NAALADL1: variants seen among roughly 807,000 people sequenced by gnomAD.
NAALADL1 encodes N-acetylated alpha-linked acidic dipeptidase like 1, also known as aminopeptidase NAALADL1.
In NAALADL1, 77 loss-of-function variants were observed where a neutral mutation model predicts 82.8. That is an observed-to-expected ratio of 0.93 (90% CI 0.77 to 1.12). NAALADL1 has a LOEUF of 1.12. Ranked by LOEUF, NAALADL1 falls within the 50% of genes most tolerant of loss-of-function variation. NAALADL1 has a pLI of 0.00. For synonymous variants in NAALADL1, 358 were observed against 399.2 expected (o/e 0.90, Z 1.23); for missense variants, 956 against 964.0 (o/e 0.99, Z 0.11).
chr11:65,057,281 T>C (rs1367080948), intron 4 of NAALADL1, 90 bp downstream of exon 4: 2 of 1,496,952 alleles, frequency 1.3e-6, no homozygotes, highest in Non-Finnish European at 1.8e-6. Flanking sequence ...CAACACTGCC[T>C]CTTCTCCTTC....
chr11:65,053,125 C>G lies in NAALADL1; in HGVS notation c.1198+93G>C. 2.1e-6 allele frequency: 3 copies of G among 1,432,398 alleles called. No individual in the cohort carries two copies. Among genetic ancestry groups the G allele is most frequent in the Non-Finnish European group, 2.8e-6 (3 of 1,079,962 alleles). 88.7% of individuals were successfully genotyped at this position (1,432,398 alleles called of 1,614,324 possible). A position where few individuals can be genotyped will look rare whatever the true frequency, so the allele number is the denominator to read the frequency against. The stretch of plus-strand genomic sequence containing the variant: ...GCCCCCAGGGCCCTCAGGCATGGCA[C>G]AAGGAGCACTGCAGTGTGAGGGAGA... On this transcript the variant is annotated intron_variant, in intron 8 of 17. Transcript: ENST00000358658. The surrounding 1 kb of genome is among the most constrained non-coding windows in gnomAD (Gnocchi z 4.3).
Position 65,057,917 on chromosome 11 carries a change from C to G in NAALADL1, c.438G>C (p.Val146=). The G allele has an allele frequency of 1.9e-6, 3 of 1,614,086 alleles. No individual in the cohort carries two copies. The change falls in exon 3 of 18, where the codon GTG becomes GTC. Residue 146 remains valine (V), a synonymous_variant. Coordinates refer to ENST00000358658, the MANE Select transcript of NAALADL1 (RefSeq NM_005468.3). ...GAGCATAGGCAGCATAGGGTTGTACCACATCTGGCCCCCCTTGCTCCCCGG... is the reference window on the plus strand; with the variant it reads ...GAGCATAGGCAGCATAGGGTTGTACGACATCTGGCCCCCCTTGCTCCCCGG... ...NVTGEQGGPD[V]VQPYAAYAPS...
At chr11:65,056,174 C>T (rs527322429) in intron 4 of NAALADL1, among the ~76,000 whole-genome samples, 15 of 152,104 alleles carry the variant, frequency 9.9e-5, no homozygotes, top group African/African-American at 3.6e-4. Context: ...CATGAGCCAC[C>T]GCGTCCAGCC....
chr11:65,045,628 ATGTGGGTTCC>A, intron 17 of NAALADL1, 171 bp from the exon 18 acceptor site: 1 of 894,992 alleles, frequency 1.1e-6, no homozygotes, highest in Non-Finnish European at 1.7e-6. Context: ...GGGGGAGGAA[ATGTGGGTTCC>A]AGTCCTAGCT....
Position 65,053,122 on chromosome 11 carries a change from G to A in NAALADL1, c.1198+96C>T. On this transcript the variant is annotated intron_variant, in intron 8 of 17. Coordinates refer to ENST00000358658, the MANE Select transcript of NAALADL1 (RefSeq NM_005468.3). This position sits in a 1 kb window ranked among gnomAD's most constrained non-coding sequence, Gnocchi z 4.3. ...TCTGCCCCCAGGGCCCTCAGGCATG[G>A]CACAAGGAGCACTGCAGTGTGAGGG... The A allele has an allele frequency of 7.1e-7, 1 of 1,417,940 alleles. No individual in the cohort carries two copies. The highest frequency in any genetic ancestry group is 9.4e-7 in the Non-Finnish European group (1 of 1,067,640). The allele number at this position is 1,417,940 out of a possible 1,614,324, so 87.8% of individuals were successfully genotyped here. A position where few individuals can be genotyped will look rare whatever the true frequency, so the allele number is the denominator to read the frequency against.
In NAALADL1 at chr11:65,048,048, G is replaced by A; in HGVS notation, c.1349C>T (p.Ala450Val). 1 of 1,614,066 alleles carries A rather than the reference G, an allele frequency of 6.2e-7. No homozygotes were observed. The highest frequency in any genetic ancestry group is 8.5e-7 in the Non-Finnish European group (1 of 1,179,988). Residue 450 changes from alanine (A) to valine (V), a missense_variant and splice_region_variant, in exon 11 of 18, where the codon GCC (alanine) becomes GTC (valine). Ala to Val is a moderately conservative substitution (Grantham distance 64). Coordinates refer to ENST00000358658, the MANE Select transcript of NAALADL1 (RefSeq NM_005468.3). Reference protein sequence around the residue: ...AYINVDISVFANATLRVQGTP... With the variant: ...AYINVDISVFVNATLRVQGTP... ...CCCCTGCACCCTAAGGGTAGCGTTGGCTGTGGGAGGAGGGGAGAAAGACTA... is the reference window on the plus strand; with the variant it reads ...CCCCTGCACCCTAAGGGTAGCGTTGACTGTGGGAGGAGGGGAGAAAGACTA...
chr11:65,054,877 A>G lies in NAALADL1; in HGVS notation c.604-139T>C. The G allele has an allele frequency of 2.6e-6, 3 of 1,142,956 alleles. No homozygotes were observed. The highest frequency in any genetic ancestry group is 3.6e-6 in the Non-Finnish European group (3 of 826,738). 70.8% of individuals were successfully genotyped at this position (1,142,956 alleles called of 1,614,324 possible). ...AAGATGACGTTTGCACAAGTCATTT[A>G]TGGCAGTGCCTCTTGCAACAGTAAA... On this transcript the variant is annotated intron_variant, in intron 4 of 17. Coordinates refer to ENST00000358658, the MANE Select transcript of NAALADL1 (RefSeq NM_005468.3). The surrounding 1 kb of genome is among the most constrained non-coding windows in gnomAD (Gnocchi z 4.3).
intron 3 of NAALADL1, 43 bp downstream of exon 3, chr11:65,057,832 C>A: frequency 6.2e-7 from 1 of 1,609,146 alleles, no homozygotes; most frequent in Non-Finnish European, 8.5e-7. Flanking sequence ...TGGGTGGAAC[C>A]AAGGGAGCTG....
rs372557264 is a variant in NAALADL1, at chr11:65,045,304, C to T, written c.2190G>A (p.Ala730=). The stretch of plus-strand genomic sequence containing the variant: ...CAGCCACAGGCCTCAGGGTGGCTGC[C>T]GCACCCTCCAGGGCTGTCACCACAA... ...LSIVVTALEG[A]AATLRPVADL is the part of the protein sequence containing the mutation. The change falls in exon 18 of 18, where the codon GCG becomes GCA. Residue 730 remains alanine (A), a synonymous_variant. Transcript: ENST00000358658. 3.2e-5 allele frequency: 51 copies of T among 1,608,738 alleles called. No homozygotes were observed. In the South Asian group the frequency reaches 4.3e-4, roughly 14 times the overall value.
upstream of NAALADL1, among the ~76,000 whole-genome samples, chr11:65,059,656 T>C (rs147961299): frequency 4.3e-4 from 66 of 152,312 alleles, no homozygotes; most frequent in African/African-American, 1.6e-3. Context: ...CATCCCTCCA[T>C]TCACTTATTC....
rs1946705408 is a variant in NAALADL1 at position 65,045,755 on chromosome 11, T to G, written c.2036+67A>C. On this transcript the variant is annotated intron_variant, in intron 17 of 17. Transcript: ENST00000358658. ...AAGGGCAGAGAAGCTGACCACCTCGTCTCAGGTGGGGAGCCATTGTCCGGC... is the reference window on the plus strand; with the variant it reads ...AAGGGCAGAGAAGCTGACCACCTCGGCTCAGGTGGGGAGCCATTGTCCGGC... 3.5e-6 allele frequency: 5 copies of G among 1,449,222 alleles called. No homozygotes were observed. The East Asian group carries it at 1.2e-4, about 33-fold the overall frequency. 89.8% of individuals were successfully genotyped at this position (1,449,222 alleles called of 1,614,324 possible).
At chr11:65,057,607 A>G in intron 3 of NAALADL1, 114 bp from the exon 4 acceptor site, 1 of 1,406,222 alleles carries the variant, frequency 7.1e-7, no homozygotes. Flanking sequence ...CCCCCACCTC[A>G]CCCAGAGCTT....
intron 8 of NAALADL1, among the ~76,000 whole-genome samples, chr11:65,052,180 G>A (rs1946906799): frequency 6.6e-6 from 1 of 152,102 alleles, no homozygotes; most frequent in South Asian, 2.1e-4. Context: ...TCTTGCCCCT[G>A]GAGCCAGCAG....
rs1245139908 is a variant in NAALADL1, at chr11:65,046,504, T to C, written c.1622A>G (p.Tyr541Cys). 6.2e-7 allele frequency: 1 copy of C among 1,614,082 alleles called. No homozygotes were observed. The highest frequency in any genetic ancestry group is 1.7e-5 in the Admixed American group (1 of 59,984). Reference sequence around the variant, plus strand: ...GTCAAAGGCTGTGTGGTAGGTGGGGTAGATCCTGGCTGAAGTCTTGCTCTG... The same window carrying C: ...GTCAAAGGCTGTGTGGTAGGTGGGGCAGATCCTGGCTGAAGTCTTGCTCTG... Reference protein sequence around the residue: ...YDRSKTSARIYPTYHTAFDTF... With the variant: ...YDRSKTSARICPTYHTAFDTF... The change falls in exon 14 of 18, where the codon TAC becomes TGC. Residue 541 changes from tyrosine to cysteine, a missense_variant. By Grantham distance (194) the Tyr-to-Cys change is radical (BLOSUM62 -2). Transcript: ENST00000358658.
At chr11:65,060,923 A>C (rs1947179593), upstream of NAALADL1, among the ~76,000 whole-genome samples, 1 of 151,904 alleles carries the variant, frequency 6.6e-6, no homozygotes, top group Admixed American at 6.6e-5. Context: ...CCAGCAATGC[A>C]CTGCTGCTGG....
intron 4 of NAALADL1, among the ~76,000 whole-genome samples, chr11:65,056,175 G>A (rs547057483): frequency 3.3e-5 from 5 of 151,642 alleles, no homozygotes; most frequent in South Asian, 2.1e-4. Context: ...ATGAGCCACC[G>A]CGTCCAGCCC....
At position 65,053,367 on chromosome 11, in the gene NAALADL1, G is replaced by C; in HGVS notation, c.1079-30C>G. On this transcript the variant is annotated intron_variant, in intron 7 of 17. Transcript: ENST00000358658. This position sits in a 1 kb window ranked among gnomAD's most constrained non-coding sequence, Gnocchi z 4.3. ...CCAGAGGAAAAGGGGCAGAGAACCA[G>C]AGGAGAGGGAGAGGTGGGCAGGGGG... 6.2e-7 allele frequency: 1 copy of C among 1,606,230 alleles called. No individual in the cohort carries two copies. The highest frequency in any genetic ancestry group is 1.7e-5 in the Admixed American group (1 of 58,284).
rs150524330 is a variant in NAALADL1 at position 65,046,122 on chromosome 11, G to A, written c.1856-8C>T. On this transcript the variant is annotated splice_region_variant and splice_polypyrimidine_tract_variant and intron_variant, in intron 15 of 17. Coordinates refer to ENST00000358658, the MANE Select transcript of NAALADL1 (RefSeq NM_005468.3). ...CTGCAGTCACCAGAGGCCCTGTGAG[G>A]AACAAGCAGTGGCTCAGTCATGGGG... 7.3e-4 allele frequency: 1,183 copies of A among 1,614,134 alleles called. 7 individuals are homozygous for A. In the African/African-American group the frequency reaches 0.014, roughly 19 times the overall value.
chr11:65,057,859 G>T lies in NAALADL1; in HGVS notation c.480+16C>A. 6.2e-7 allele frequency: 1 copy of T among 1,613,146 alleles called. No homozygotes were observed. Among genetic ancestry groups the T allele is most frequent in the African/African-American group, 1.3e-5 (1 of 75,002 alleles). On this transcript the variant is annotated intron_variant, in intron 3 of 17. Coordinates refer to ENST00000358658, the MANE Select transcript of NAALADL1 (RefSeq NM_005468.3). The stretch of plus-strand genomic sequence containing the variant: ...AGGGAGCTGGGCCAGAGCAGTAGGG[G>T]GGGTTCTGGGCCCACCTGTGGGGTT...
Sources: allele counts gnomAD v4.1 joint callset (sites outside exome capture counted in the v4.1 genomes callset), GRCh38; gene constraint gnomAD v4.1.1; non-coding constraint Gnocchi (gnomAD v3.1); transcripts MANE v1.5; gene names NCBI Gene and HGNC (gene_info 2026-07-23, HGNC 2026-07-21).